DIAPH3: variants seen among roughly 807,000 people sequenced by gnomAD.
DIAPH3 encodes the protein diaphanous related formin 3, also known as protein diaphanous homolog 3.
Under a neutral mutation model 144.3 loss-of-function variants are expected in DIAPH3, and 117 were observed. The observed-to-expected ratio is 0.81, with a 90% CI of 0.70 to 0.95. The LOEUF (loss-of-function observed/expected upper bound fraction) is 0.95. DIAPH3 is among the 40% of genes least tolerant of loss of function. The pLI is 0.00. For missense variants in DIAPH3, 1,421 were observed against 1,412.7 expected (o/e 1.01, Z -0.09); for synonymous variants, 519 against 488.9 (o/e 1.06, Z -0.81).
At chr13:60,026,625 G>A (rs1480848763) in intron 5 of DIAPH3, among the ~76,000 whole-genome samples, 1 of 151,986 alleles carries the variant, frequency 6.6e-6, no homozygotes, top group African/African-American at 2.4e-5. Context: ...AATGTTTGGG[G>A]TATATTTGAA....
rs544542433 is a variant in DIAPH3, at chr13:59,840,278, G to C, written c.2738-830C>G. On this transcript the variant is annotated intron_variant, in intron 22 of 27. Coordinates refer to ENST00000400324, the MANE Select transcript of DIAPH3 (RefSeq NM_001042517.2). ...AAAATCTATTGTTTTTGTTCAATGT[G>C]AACTATATAAAATGATGTTTAAAGA... Among the ~76,000 whole-genome samples, 6 of 152,158 alleles carry C rather than the reference G, an allele frequency of 3.9e-5. 1 individual carries two copies. The East Asian group carries it at 1.2e-3, about 29-fold the overall frequency.
chr13:59,905,553 T>C (rs1278940348), intron 20 of DIAPH3, among the ~76,000 whole-genome samples: 7 of 152,104 alleles, frequency 4.6e-5, no homozygotes, highest in Non-Finnish European at 1.5e-5. Flanking sequence ...GTCCCTGTTA[T>C]AGGCAAAATA....
intron 9 of DIAPH3, among the ~76,000 whole-genome samples, chr13:60,007,370 T>C (rs1043164670): frequency 7.1e-5 from 10 of 141,698 alleles, no homozygotes; most frequent in African/African-American, 2.7e-4. Flanking sequence ...TAAAATACCA[T>C]TTGTTTACTT....
chr13:59,727,144 G>C lies in DIAPH3; in HGVS notation c.3319+47045C>G, dbSNP rs181954797. ...TCTGAGGATTTCTTGCAAGGTTACTGTGACCTACAGTTAACAAAGTAGGTG... is the reference window on the plus strand; with the variant it reads ...TCTGAGGATTTCTTGCAAGGTTACTCTGACCTACAGTTAACAAAGTAGGTG... On this transcript the variant is annotated intron_variant, in intron 27 of 27. Coordinates refer to ENST00000400324, the MANE Select transcript of DIAPH3 (RefSeq NM_001042517.2). 1.8e-4 allele frequency among the ~76,000 whole-genome samples: 28 copies of C among 152,264 alleles called. No individual in the cohort carries two copies. The East Asian group carries it at 4.1e-3, about 22-fold the overall frequency.
intron 22 of DIAPH3, among the ~76,000 whole-genome samples, chr13:59,853,329 G>A (rs1254117742): frequency 6.6e-6 from 1 of 152,084 alleles, no homozygotes; most frequent in Admixed American, 6.5e-5. Flanking sequence ...AGGCTGATAT[G>A]GTTTGGATTT....
At chr13:59,756,580 A>C (rs2139156881) in intron 27 of DIAPH3, among the ~76,000 whole-genome samples, 2 of 152,102 alleles carry the variant, frequency 1.3e-5, no homozygotes, top group South Asian at 4.2e-4. Flanking sequence ...GAAATCTGCT[A>C]AAGTTGCTGT....
intron 9 of DIAPH3, 62 bp downstream of exon 9, chr13:60,008,482 T>C: frequency 2.8e-6 from 3 of 1,088,522 alleles, no homozygotes; most frequent in Non-Finnish European, 4.2e-6. Flanking sequence ...AAACCAATCA[T>C]AAAACCGTTA....
intron 12 of DIAPH3, among the ~76,000 whole-genome samples, chr13:59,990,480 A>G (rs1183990118): frequency 6.6e-6 from 1 of 151,948 alleles, no homozygotes; most frequent in East Asian, 1.9e-4. Flanking sequence ...TTCCACCATA[A>G]AACAGTAATA....
intron 4 of DIAPH3, 135 bp from the exon 5 acceptor site, chr13:60,042,955 T>C: frequency 4.1e-6 from 4 of 981,020 alleles, no homozygotes; most frequent in Non-Finnish European, 6.1e-6. Context: ...GGTAAATAAT[T>C]TCCTTACTTC....
At chr13:60,036,315 T>C (rs1352587066) in intron 5 of DIAPH3, among the ~76,000 whole-genome samples, 1 of 152,204 alleles carries the variant, frequency 6.6e-6, no homozygotes, top group Non-Finnish European at 1.5e-5. Flanking sequence ...TAGGCAGCAC[T>C]GTCTAATAGA....
chr13:59,715,178 T>A (rs342588), intron 27 of DIAPH3, among the ~76,000 whole-genome samples: 108,227 of 152,052 alleles, frequency 0.71, 38,897 homozygotes, highest in Admixed American at 0.78. Flanking sequence ...TCTATTATCT[T>A]GATGGTAATG....
chr13:60,146,871 T>C (rs552983238), intron 1 of DIAPH3, among the ~76,000 whole-genome samples: 7 of 152,328 alleles, frequency 4.6e-5, no homozygotes, highest in African/African-American at 1.4e-4. Flanking sequence ...CACCCATTGA[T>C]CCTAATAATC....
intron 27 of DIAPH3, among the ~76,000 whole-genome samples, chr13:59,742,845 T>C (rs1370042458): frequency 6.6e-6 from 1 of 152,208 alleles, no homozygotes; most frequent in African/African-American, 2.4e-5. Context: ...TAAGTTGACA[T>C]GACTCAACAG....
At chr13:59,701,824 T>A (rs2034126882) in intron 27 of DIAPH3, among the ~76,000 whole-genome samples, 1 of 152,214 alleles carries the variant, frequency 6.6e-6, no homozygotes, top group African/African-American at 2.4e-5. Context: ...CCTGTATTCA[T>A]CTGCCCACCT....
At position 60,124,321 on chromosome 13, in the gene DIAPH3, C is replaced by T. The variant is rs530321788; in HGVS notation, c.213+8636G>A. 2.2e-4 allele frequency among the ~76,000 whole-genome samples: 33 copies of T among 152,208 alleles called. No homozygotes were observed. The East Asian group carries it at 4.8e-3, about 22-fold the overall frequency. Reference sequence around the variant, plus strand: ...AGGAAAGCCTGTATCTATATCTGGGCGCAGGCAGCAGTTGTTCTGAGATAT... The same window carrying T: ...AGGAAAGCCTGTATCTATATCTGGGTGCAGGCAGCAGTTGTTCTGAGATAT... On this transcript the variant is annotated intron_variant, in intron 2 of 27. Coordinates refer to ENST00000400324, the MANE Select transcript of DIAPH3 (RefSeq NM_001042517.2).
intron 22 of DIAPH3, among the ~76,000 whole-genome samples, chr13:59,851,666 G>A (rs559746650): frequency 2.9e-4 from 38 of 132,666 alleles, no homozygotes; most frequent in African/African-American, 1.0e-3. Flanking sequence ...TTGAGACAGC[G>A]TTTCGCTCTT....
chr13:60,152,505 T>C (rs1566829723), intron 1 of DIAPH3, among the ~76,000 whole-genome samples: 1 of 149,088 alleles, frequency 6.7e-6, no homozygotes, highest in East Asian at 2.0e-4. Context: ...TATATATATA[T>C]AAATTGGAAC....
At chr13:59,750,408 C>G (rs1242881546) in intron 27 of DIAPH3, among the ~76,000 whole-genome samples, 2 of 152,134 alleles carry the variant, frequency 1.3e-5, no homozygotes, top group Non-Finnish European at 2.9e-5. Flanking sequence ...TCTCTAAATA[C>G]CTACAGCAAT....
intron 9 of DIAPH3, among the ~76,000 whole-genome samples, chr13:60,000,364 A>T (rs1238547501): frequency 6.6e-6 from 1 of 151,912 alleles, no homozygotes; most frequent in East Asian, 1.9e-4. Flanking sequence ...ACTGAACTAT[A>T]CTCTCAAAGA....
Sources: allele counts gnomAD v4.1 joint callset (sites outside exome capture counted in the v4.1 genomes callset), GRCh38; gene constraint gnomAD v4.1.1; transcripts MANE v1.5; gene names NCBI Gene and HGNC (gene_info 2026-07-23, HGNC 2026-07-21).